ZNF143: variants seen among roughly 807,000 people sequenced by gnomAD.
ZNF143 encodes the protein zinc finger protein 143, also known as SPH-binding factor.
In ZNF143, 49 loss-of-function variants were observed where a neutral mutation model predicts 74.1. That is an observed-to-expected ratio of 0.66 (90% CI 0.53 to 0.84). ZNF143 has a LOEUF of 0.84. Among genes scored for constraint, ZNF143 ranks in the 40% least tolerant of loss-of-function variants. ZNF143 has a pLI of 0.00. For missense variants in ZNF143, 637 were observed against 793.4 expected (o/e 0.80, Z 2.37); for synonymous variants, 304 against 282.8 (o/e 1.07, Z -0.75).
At chr11:9,484,505 G>A (rs1021837000) in intron 7 of ZNF143, among the ~76,000 whole-genome samples, 12 of 151,040 alleles carry the variant, frequency 7.9e-5, no homozygotes, top group Non-Finnish European at 1.8e-4. Context: ...GTGAGTCACC[G>A]TGCCCAGCCT....
intron 5 of ZNF143, among the ~76,000 whole-genome samples, chr11:9,477,157 T>TTCCCTCCTTTCCCTCCCTTC (rs1856963438): frequency 1.6e-5 from 2 of 125,982 alleles, no homozygotes; most frequent in Admixed American, 7.6e-5. Context: ...CTTCCTTCCT[T>TTCCCTCCTTTCCCTCCCTTC]CCTTCCTTCC....
At chr11:9,478,285 T>G (rs1162907515) in intron 5 of ZNF143, 105 bp from the exon 6 acceptor site, 1 of 1,177,844 alleles carries the variant, frequency 8.5e-7, no homozygotes, top group East Asian at 2.4e-5. Flanking sequence ...GGTCCAGTAC[T>G]CAGAGTAACT....
chr11:9,501,233 T>C lies in ZNF143; in HGVS notation c.1110T>C (p.Ser370=), dbSNP rs1424211770. ...CAGGATGTGGGAGGGCATTTGCCAG[T>C]GCAACAAATTATAAAAACCATGTGA... The part of the protein sequence containing the change: ...TEPGCGRAFA[S]ATNYKNHVRI... Residue 370 remains serine (S), a synonymous_variant, in exon 11 of 16, where the codon AGT becomes AGC. Coordinates refer to ENST00000396602, the MANE Select transcript of ZNF143 (RefSeq NM_003442.6). 1 of 1,614,042 alleles carries C rather than the reference T, an allele frequency of 6.2e-7. No individual in the cohort carries two copies. Among genetic ancestry groups the C allele is most frequent in the East Asian group, 2.2e-5 (1 of 44,900 alleles).
At chr11:9,461,150 G>C in intron 1 of ZNF143, 74 bp downstream of exon 1, 1 of 897,940 alleles carries the variant, frequency 1.1e-6, no homozygotes, top group Non-Finnish European at 1.3e-6. Context: ...GCGGCGGCGC[G>C]GGCCCGCTTG....
Position 9,486,422 on chromosome 11 carries a change from A to ATATATAT in ZNF143, c.645+6884_645+6890dup, listed in dbSNP as rs1847531544. Among the ~76,000 whole-genome samples the ATATATAT allele has an allele frequency of 1.7e-3, 62 of 36,426 alleles. 2 individuals are homozygous for ATATATAT. Among genetic ancestry groups the ATATATAT allele is most frequent in the Non-Finnish European group, 2.6e-3 (48 of 18,344 alleles). 23.9% of individuals were successfully genotyped at this position (36,426 alleles called of 152,430 possible). On this transcript the variant is annotated intron_variant, in intron 7 of 15. Transcript: ENST00000396602. ...ATATATTATATATATAATATATATT[A>ATATATAT]TATATATTATATATATAATATATTA...
intron 7 of ZNF143, among the ~76,000 whole-genome samples, chr11:9,490,810 G>C (rs998894477): frequency 1.3e-5 from 2 of 152,118 alleles, no homozygotes; most frequent in African/African-American, 4.8e-5. Context: ...ATAGCTTACT[G>C]CAGCCTTGAC....
intron 8 of ZNF143, 142 bp downstream of exon 8, chr11:9,494,907 C>A: frequency 2.3e-6 from 2 of 873,374 alleles, no homozygotes; most frequent in East Asian, 2.8e-5. Flanking sequence ...CATACACAGA[C>A]ATGTAAAAAC....
intron 14 of ZNF143, among the ~76,000 whole-genome samples, chr11:9,524,396 C>T (rs1849053074): frequency 6.6e-6 from 1 of 152,150 alleles, no homozygotes; most frequent in Non-Finnish European, 1.5e-5. Flanking sequence ...CCAATATAAG[C>T]TACTTAGACA....
intron 5 of ZNF143, among the ~76,000 whole-genome samples, chr11:9,478,059 C>A (rs1847085552): frequency 6.6e-6 from 1 of 152,212 alleles, no homozygotes; most frequent in Admixed American, 6.5e-5. Context: ...ATCTCCTGAC[C>A]TCGTGATCCG....
At chr11:9,511,750 CTT>C (rs1254769544) in intron 12 of ZNF143, among the ~76,000 whole-genome samples, 11 of 120,122 alleles carry the variant, frequency 9.2e-5, no homozygotes, top group Admixed American at 1.7e-4. Context: ...CCTTTAACAG[CTT>C]TTTTTTTTTT....
At position 9,528,100 on chromosome 11, in the gene ZNF143, A is replaced by G. The variant is rs1164259742; in HGVS notation, c.*487A>G. 3.3e-5 allele frequency: 5 copies of G among 152,748 alleles called. No individual in the cohort carries two copies. The highest frequency in any genetic ancestry group is 9.7e-5 in the African/African-American group (4 of 41,448). 9.5% of individuals were successfully genotyped at this position (152,748 alleles called of 1,614,324 possible). A position where few individuals can be genotyped will look rare whatever the true frequency, so the allele number is the denominator to read the frequency against. On this transcript the variant is annotated 3_prime_UTR_variant, in exon 16 of 16. Transcript: ENST00000396602. ...GTGTCTGCGGTTTTTGTTCTACTATATGCTTGTCCATTTTTATTTGTATCT... is the reference window on the plus strand; with the variant it reads ...GTGTCTGCGGTTTTTGTTCTACTATGTGCTTGTCCATTTTTATTTGTATCT...
rs1055423769 is a variant in ZNF143, at chr11:9,487,440, A to G, written c.646-7206A>G. Among the ~76,000 whole-genome samples the G allele has an allele frequency of 4.8e-4, 72 of 151,356 alleles. 5 individuals are homozygous for G. The highest frequency in any genetic ancestry group is 1.8e-3 in the African/African-American group (72 of 40,750). ...AGGGGCATGATCTCAGCTCACTGCA[A>G]GCTCCGCCTCCCGGGTTCATGCTTC... On this transcript the variant is annotated intron_variant, in intron 7 of 15. Transcript: ENST00000396602.
chr11:9,482,333 C>T (rs527291891), intron 7 of ZNF143, among the ~76,000 whole-genome samples: 52 of 147,930 alleles, frequency 3.5e-4, no homozygotes, highest in Admixed American at 2.7e-3. Context: ...TGCAGTGGCT[C>T]GATCTCGGCT....
At chr11:9,486,444 AT>A (rs1216191947) in intron 7 of ZNF143, among the ~76,000 whole-genome samples, 414 of 39,240 alleles carry the variant, frequency 0.011, 15 homozygotes, top group Non-Finnish European at 0.016. Flanking sequence ...TATATAATAT[AT>A]TATATATATT....
At chr11:9,487,896 GAGTT>G (rs1711607432) in intron 7 of ZNF143, among the ~76,000 whole-genome samples, 1 of 152,100 alleles carries the variant, frequency 6.6e-6, no homozygotes, top group African/African-American at 2.4e-5. Flanking sequence ...TTTAGCTTTT[GAGTT>G]TTGGATTCTG....
At chr11:9,476,816 G>A (rs1856932097) in intron 5 of ZNF143, among the ~76,000 whole-genome samples, 1 of 122,604 alleles carries the variant, frequency 8.2e-6, no homozygotes, top group African/African-American at 3.2e-5. Flanking sequence ...CTGGAGTGCA[G>A]TGGTGCGATC....
chr11:9,522,961 G>C (rs183695319), intron 14 of ZNF143, among the ~76,000 whole-genome samples: 3,881 of 151,398 alleles, frequency 0.026, 145 homozygotes, highest in African/African-American at 0.088. Context: ...TAGAGGTGGG[G>C]TTTCACCATG....
At position 9,528,167 on chromosome 11, in the gene ZNF143, C is replaced by T. The variant is rs910291074; in HGVS notation, c.*554C>T. The T allele has an allele frequency of 2.0e-5, 3 of 152,496 alleles. No homozygotes were observed. Among genetic ancestry groups the T allele is most frequent in the African/African-American group, 4.8e-5 (2 of 41,394 alleles). The allele number at this position is 152,496 out of a possible 1,614,324, so 9.4% of individuals were successfully genotyped here. A position where few individuals can be genotyped will look rare whatever the true frequency, so the allele number is the denominator to read the frequency against. Reference sequence around the variant, plus strand: ...TTTGAATAATTTATAGTTTCCCATCCCTGTTAAAAACCAGCTCTTCAAGCT... The same window carrying T: ...TTTGAATAATTTATAGTTTCCCATCTCTGTTAAAAACCAGCTCTTCAAGCT... On this transcript the variant is annotated 3_prime_UTR_variant, in exon 16 of 16. Transcript: ENST00000396602.
chr11:9,517,068 C>T (rs1848750163), intron 14 of ZNF143, among the ~76,000 whole-genome samples: 1 of 152,150 alleles, frequency 6.6e-6, no homozygotes, highest in South Asian at 2.1e-4. Flanking sequence ...GTGTGCACCA[C>T]CATGCCTGGC....
Sources: allele counts gnomAD v4.1 joint callset (sites outside exome capture counted in the v4.1 genomes callset), GRCh38; gene constraint gnomAD v4.1.1; transcripts MANE v1.5; gene names NCBI Gene and HGNC (gene_info 2026-07-23, HGNC 2026-07-21).